Variants in SPRED2 observed in about 807,000 individuals in gnomAD.
SPRED2 encodes sprouty related EVH1 domain containing 2.
In SPRED2, 47 loss-of-function variants were observed where a neutral mutation model predicts 43.0. The ratio of observed to expected loss-of-function variants is 1.09; its 90% CI spans 0.87 to 1.40. The LOEUF (loss-of-function observed/expected upper bound fraction) is 1.40, where lower values mean the gene tolerates loss of function less well. SPRED2 is among the 40% of genes most tolerant of loss of function. SPRED2 has a pLI of 0.00. For synonymous variants in SPRED2, 225 were observed against 225.7 expected, an observed-to-expected ratio of 1.00 and a Z score of 0.03; for missense variants, 561 against 586.4, an observed-to-expected ratio of 0.96 and a Z score of 0.45.
At chr2:65,402,163 C>T (rs1180550832) in intron 1 of SPRED2, among the ~76,000 whole-genome samples, 5 of 150,724 alleles carry the variant, frequency 3.3e-5, no homozygotes, top group Non-Finnish European at 7.4e-5. Flanking sequence ...CCTGTAATCA[C>T]AGCTACTCGG....
At chr2:65,401,928 C>CGT (rs1553426569) in intron 1 of SPRED2, among the ~76,000 whole-genome samples, 1,303 of 101,130 alleles carry the variant, frequency 0.013, 10 homozygotes, top group Non-Finnish European at 0.017. Flanking sequence ...AGAATATTAG[C>CGT]GCGCGCGCGC....
In SPRED2 at chr2:65,422,104, A is replaced by ACACACACACACACTCT. The variant is rs1299857849; in HGVS notation, c.26+9857_26+9858insAGAGTGTGTGTGTGTG. Among the ~76,000 whole-genome samples, 529 of 129,004 alleles carry ACACACACACACACTCT rather than the reference A, an allele frequency of 4.1e-3. 2 individuals are homozygous for ACACACACACACACTCT. Among genetic ancestry groups the ACACACACACACACTCT allele is most frequent in the Non-Finnish European group, 5.0e-3 (304 of 60,576 alleles). 84.6% of individuals were successfully genotyped at this position (129,004 alleles called of 152,430 possible). A position where few individuals can be genotyped will look rare whatever the true frequency, so the allele number is the denominator to read the frequency against. Reference sequence around the variant, plus strand: ...CACACACACACACACACACACACACACTCTCTCTCTCTCTCTCTCTCTCTC... The same window carrying ACACACACACACACTCT: ...CACACACACACACACACACACACACACACACACACACACTCTCTCTCTCTCTCTCTCTCTCTCTCTC... On this transcript the variant is annotated intron_variant, in intron 1 of 5. Coordinates refer to ENST00000356388, the MANE Select transcript of SPRED2 (RefSeq NM_181784.3).
rs559394887 is a variant in SPRED2 at position 65,423,100 on chromosome 2, C to T, written c.26+8862G>A. 6.6e-4 allele frequency among the ~76,000 whole-genome samples: 101 copies of T among 152,350 alleles called. No individual in the cohort carries two copies. The Middle Eastern group carries it at 0.01, about 15-fold the overall frequency. On this transcript the variant is annotated intron_variant, in intron 1 of 5. Transcript: ENST00000356388. ...CACTATGTCTGTATTCCCACTCCAT[C>T]GTCCACTTTATTCCTTGGCTGGAAA...
chr2:65,337,879 ACTTTT>A (rs1370962997), intron 2 of SPRED2, among the ~76,000 whole-genome samples: 1 of 152,200 alleles, frequency 6.6e-6, no homozygotes, highest in African/African-American at 2.4e-5. Context: ...GTACTTAAAG[ACTTTT>A]CTAATGAGTC....
At chr2:65,337,419 A>C (rs1001542234) in intron 2 of SPRED2, among the ~76,000 whole-genome samples, 1 of 152,136 alleles carries the variant, frequency 6.6e-6, no homozygotes, top group African/African-American at 2.4e-5. Context: ...GAAAAAAAAA[A>C]CTACACAAGA....
intron 1 of SPRED2, among the ~76,000 whole-genome samples, chr2:65,405,885 C>G (rs1198074036): frequency 6.6e-6 from 1 of 152,140 alleles, no homozygotes; most frequent in African/African-American, 2.4e-5. Flanking sequence ...TGCTAAGTGA[C>G]TGTTCCCACT....
At chr2:65,315,890 C>A (rs1326746077) in intron 5 of SPRED2, among the ~76,000 whole-genome samples, 4 of 152,200 alleles carry the variant, frequency 2.6e-5, no homozygotes, top group African/African-American at 9.7e-5. Context: ...AATCTCCTGA[C>A]CTTGTGATCC....
chr2:65,416,616 A>T (rs538390967), intron 1 of SPRED2, among the ~76,000 whole-genome samples: 8 of 152,290 alleles, frequency 5.3e-5, no homozygotes, highest in Non-Finnish European at 7.4e-5. Context: ...GAAATTTTTT[A>T]AAAAATACAA....
chr2:65,391,942 G>A (rs892104228), intron 1 of SPRED2, among the ~76,000 whole-genome samples: 1 of 151,918 alleles, frequency 6.6e-6, no homozygotes, highest in African/African-American at 2.4e-5. Flanking sequence ...TATTTATTTA[G>A]TCAACTATAT....
intron 1 of SPRED2, among the ~76,000 whole-genome samples, chr2:65,412,876 G>A (rs35974161): frequency 0.12 from 18,299 of 152,190 alleles, 1,659 homozygotes; most frequent in Non-Finnish European, 0.17. Context: ...CAGTCCTACA[G>A]TTAAACTTTT....
chr2:65,342,904 G>C (rs943574946), intron 2 of SPRED2, among the ~76,000 whole-genome samples: 1 of 152,180 alleles, frequency 6.6e-6, no homozygotes, highest in African/African-American at 2.4e-5. Flanking sequence ...TTGAAGCCCA[G>C]GAGTTGGAGG....
In SPRED2 at chr2:65,314,052, CG is replaced by C; in HGVS notation, c.705del (p.Val236SerfsTer41). 6.2e-7 allele frequency: 1 copy of C among 1,614,146 alleles called. No individual in the cohort carries two copies. The highest frequency in any genetic ancestry group is 8.5e-7 in the Non-Finnish European group (1 of 1,180,016). On this transcript the variant is annotated frameshift_variant, in exon 6 of 6. Coordinates refer to ENST00000356388, the MANE Select transcript of SPRED2 (RefSeq NM_181784.3). LOFTEE classifies it high-confidence loss of function. ...MTGYEDYRHAPVRGKYPDPSE... is the reference protein window; with the variant it reads ...MTGYEDYRHAXVRGKYPDPSE... ...GAGGGGTCCGGGTACTTGCCCCTGA[CG>C]GGTGCGTGCCGGTAATCCTCGTACC... is the stretch of plus-strand genomic sequence containing the variant.
Position 65,312,953 on chromosome 2 carries a change from A to G in SPRED2, c.*548T>C, listed in dbSNP as rs1318639757. ...GTGGTACAAGTTTGTTAACTAGCTCACCTCCTATACATAATAACTGACTGC... is the reference window on the plus strand; with the variant it reads ...GTGGTACAAGTTTGTTAACTAGCTCGCCTCCTATACATAATAACTGACTGC... On this transcript the variant is annotated 3_prime_UTR_variant, in exon 6 of 6. Coordinates refer to ENST00000356388, the MANE Select transcript of SPRED2 (RefSeq NM_181784.3). 1.0e-6 allele frequency: 1 copy of G among 985,560 alleles called. No homozygotes were observed. The allele number at this position is 985,560 out of a possible 1,614,324, so 61.1% of individuals were successfully genotyped here.
intron 1 of SPRED2, among the ~76,000 whole-genome samples, chr2:65,411,918 T>C (rs1422097306): frequency 6.6e-6 from 1 of 151,858 alleles, no homozygotes; most frequent in Non-Finnish European, 1.5e-5. Flanking sequence ...ACAAGGTCAA[T>C]AGACGGAGAC....
In SPRED2 at chr2:65,321,528, AAAG is replaced by A. The variant is rs762238854; in HGVS notation, c.439-4648_439-4646del. ...CTAAAAAAAAAAAAAAAAAAAAAAA[AAAG>A]ATGTCCAATTAAGAAGTGTGCAACC... On this transcript the variant is annotated intron_variant, in intron 4 of 5. Transcript: ENST00000356388. Among the ~76,000 whole-genome samples, 198 of 149,834 alleles carry A rather than the reference AAAG, an allele frequency of 1.3e-3. 4 individuals carry two copies. The highest frequency in any genetic ancestry group is 2.1e-3 in the Non-Finnish European group (140 of 67,388).
chr2:65,398,412 A>G (rs1478616603), intron 1 of SPRED2, among the ~76,000 whole-genome samples: 1 of 152,236 alleles, frequency 6.6e-6, no homozygotes, highest in Non-Finnish European at 1.5e-5. Flanking sequence ...GCTTCTGCAC[A>G]GCAAAAGAAA....
At chr2:65,401,816 A>AATAC in intron 1 of SPRED2, among the ~76,000 whole-genome samples, 1 of 151,872 alleles carries the variant, frequency 6.6e-6, no homozygotes, top group East Asian at 1.9e-4. Context: ...TAAATAAATA[A>AATAC]ATAAATAAAA....
intron 4 of SPRED2, among the ~76,000 whole-genome samples, chr2:65,319,257 A>T (rs1673337206): frequency 1.3e-5 from 2 of 152,150 alleles, no homozygotes; most frequent in Admixed American, 1.3e-4. Flanking sequence ...TGATCCCCCA[A>T]GCCATGGTGA....
At chr2:65,409,255 AC>A (rs34454597) in intron 1 of SPRED2, among the ~76,000 whole-genome samples, 16,531 of 152,244 alleles carry the variant, frequency 0.11, 1,330 homozygotes, top group Non-Finnish European at 0.16. Flanking sequence ...CACAAGTGGC[AC>A]TGAGCACATG....
Sources: gnomAD v4.1 joint callset for allele counts (sites outside exome capture counted in the v4.1 genomes callset) on GRCh38, gnomAD v4.1.1 for gene constraint, MANE v1.5 for transcripts, NCBI Gene and HGNC (gene_info 2026-07-23, HGNC 2026-07-21) for gene names.